The following DPYSL5 variants were observed in gnomAD, a reference collection of about 807,000 sequenced individuals.
The protein encoded by DPYSL5 is dihydropyrimidinase-related protein 5.
DPYSL5 carries 9 observed loss-of-function variants against 58.4 expected under a neutral mutation model. The ratio of observed to expected loss-of-function variants is 0.15; its 90% CI spans 0.09 to 0.27. DPYSL5 has a LOEUF of 0.27. Among genes scored for constraint, DPYSL5 ranks in the 10% least tolerant of loss-of-function variants. The probability of loss-of-function intolerance (pLI) is 1.00; values close to 1 mark genes in which losing one functional copy is unlikely to be tolerated. For missense variants in DPYSL5, 499 were observed against 770.6 expected, an observed-to-expected ratio of 0.65 and a Z score of 4.17; for synonymous variants, 293 against 301.9, an observed-to-expected ratio of 0.97 and a Z score of 0.31.
At chr2:26,931,827 G>GT in intron 6 of DPYSL5, 143 bp downstream of exon 6, 1 of 794,940 alleles carries the variant, frequency 1.3e-6, no homozygotes, top group East Asian at 2.8e-5. Context: ...GGCCAACATG[G>GT]TGAAACCCCA....
At chr2:26,911,061 A>G (rs1356324093) in intron 2 of DPYSL5, among the ~76,000 whole-genome samples, 1 of 133,954 alleles carries the variant, frequency 7.5e-6, no homozygotes, top group African/African-American at 2.7e-5. Flanking sequence ...TATACATGGT[A>G]TGTGGTATCT....
At chr2:26,882,770 A>G (rs1369805959) in intron 1 of DPYSL5, among the ~76,000 whole-genome samples, 1 of 152,042 alleles carries the variant, frequency 6.6e-6, no homozygotes, top group East Asian at 1.9e-4. Flanking sequence ...TAAATTAGCC[A>G]GAGGTGGTGG....
chr2:26,863,486 G>T (rs1417104914), intron 1 of DPYSL5, among the ~76,000 whole-genome samples: 2 of 152,172 alleles, frequency 1.3e-5, no homozygotes, highest in African/African-American at 4.8e-5. Context: ...TTGTGGGCTG[G>T]GCCTGCAGCA....
chr2:26,855,257 G>A (rs1001756476), intron 1 of DPYSL5, among the ~76,000 whole-genome samples: 52 of 151,490 alleles, frequency 3.4e-4, no homozygotes, highest in African/African-American at 1.2e-3. Flanking sequence ...GTGAAACCCC[G>A]TCTCTACTAA....
At chr2:26,854,111 T>G (rs1377754608) in intron 1 of DPYSL5, among the ~76,000 whole-genome samples, 1 of 152,110 alleles carries the variant, frequency 6.6e-6, no homozygotes, top group Non-Finnish European at 1.5e-5. Flanking sequence ...CACAGCAACA[T>G]TTAGATGAAT....
At chr2:26,917,155 G>A (rs1023043953) in intron 2 of DPYSL5, among the ~76,000 whole-genome samples, 6 of 152,200 alleles carry the variant, frequency 3.9e-5, no homozygotes, top group African/African-American at 9.7e-5. Flanking sequence ...AATAAGTGAC[G>A]GAGCTGGAAT....
At chr2:26,897,792 A>T (rs547677085) in intron 1 of DPYSL5, among the ~76,000 whole-genome samples, 1 of 152,306 alleles carries the variant, frequency 6.6e-6, no homozygotes, top group East Asian at 1.9e-4. Context: ...TGTGGACCCA[A>T]TCTGGCCCAA....
chr2:26,929,768 C>A (rs1329105123), intron 5 of DPYSL5, among the ~76,000 whole-genome samples: 3 of 152,226 alleles, frequency 2.0e-5, no homozygotes, highest in South Asian at 2.1e-4. Context: ...TCCGCCTGCC[C>A]TCTGGCTTTA....
Position 26,947,220 on chromosome 2 carries a change from C to A in DPYSL5, c.*225C>A. 2 of 511,324 alleles carry A rather than the reference C, an allele frequency of 3.9e-6. No homozygotes were observed. Among genetic ancestry groups the A allele is most frequent in the South Asian group, 2.4e-5 (1 of 41,910 alleles). 31.7% of individuals were successfully genotyped at this position (511,324 alleles called of 1,614,324 possible). ...TTCCTCCTGCTGTAGTCCTTTCTGCCTTGGCCTCGGCGGGCTTTTCTGGGG... is the reference window on the plus strand; with the variant it reads ...TTCCTCCTGCTGTAGTCCTTTCTGCATTGGCCTCGGCGGGCTTTTCTGGGG... On this transcript the variant is annotated 3_prime_UTR_variant, in exon 13 of 13. Transcript: ENST00000288699. The surrounding 1 kb of genome is among the most constrained non-coding windows in gnomAD (Gnocchi z 4.2).
intron 1 of DPYSL5, among the ~76,000 whole-genome samples, chr2:26,883,906 C>G (rs1663639387): frequency 3.9e-5 from 6 of 152,170 alleles, no homozygotes; most frequent in Non-Finnish European, 7.4e-5. Flanking sequence ...ATCCTTTCCT[C>G]CTGTTTTCCC....
chr2:26,883,070 T>A (rs1397986510), intron 1 of DPYSL5, among the ~76,000 whole-genome samples: 1 of 152,206 alleles, frequency 6.6e-6, no homozygotes, highest in African/African-American at 2.4e-5. Context: ...TGTATTTGTA[T>A]GTTTTTTTAA....
intron 8 of DPYSL5, among the ~76,000 whole-genome samples, chr2:26,936,482 C>T (rs1665180621): frequency 6.6e-6 from 1 of 152,188 alleles, no homozygotes; most frequent in Non-Finnish European, 1.5e-5. Flanking sequence ...CGAAGGTGGC[C>T]TCTGTGGAGG....
chr2:26,892,112 G>A (rs1227443004), intron 1 of DPYSL5, among the ~76,000 whole-genome samples: 1 of 152,236 alleles, frequency 6.6e-6, no homozygotes, highest in Non-Finnish European at 1.5e-5. Context: ...ATTCCCTTAA[G>A]TCAGATAGAC....
intron 2 of DPYSL5, among the ~76,000 whole-genome samples, chr2:26,912,049 G>A (rs567582703): frequency 6.6e-6 from 1 of 152,362 alleles, no homozygotes; most frequent in South Asian, 2.1e-4. Flanking sequence ...CTGAGGTTAG[G>A]CGTCCATCCC....
At chr2:26,871,858 G>GTAAATAGAAACATTTGCCA (rs1172576763) in intron 1 of DPYSL5, among the ~76,000 whole-genome samples, 13 of 151,932 alleles carry the variant, frequency 8.6e-5, no homozygotes, top group African/African-American at 3.1e-4. Flanking sequence ...TATCAACATC[G>GTAAATAGAAACATTTGCCA]TAAATAGAAA....
chr2:26,880,757 C>A (rs191129834), intron 1 of DPYSL5, among the ~76,000 whole-genome samples: 1 of 152,208 alleles, frequency 6.6e-6, no homozygotes, highest in South Asian at 2.1e-4. Context: ...GCTCAGAGTC[C>A]GTTCCTGTGG....
At chr2:26,909,810 T>C (rs1664387585) in intron 2 of DPYSL5, among the ~76,000 whole-genome samples, 1 of 151,926 alleles carries the variant, frequency 6.6e-6, no homozygotes, top group African/African-American at 2.4e-5. Flanking sequence ...AACTCCACTG[T>C]TGGGAAGAAT....
In DPYSL5 at chr2:26,898,352, T is replaced by C. The variant is rs542614179; in HGVS notation, c.-4-144T>C. The C allele has an allele frequency of 8.8e-7, 1 of 1,141,432 alleles. No homozygotes were observed. Among genetic ancestry groups the C allele is most frequent in the African/African-American group, 1.6e-5 (1 of 64,438 alleles). The allele number at this position is 1,141,432 out of a possible 1,614,324, so 70.7% of individuals were successfully genotyped here. A position where few individuals can be genotyped will look rare whatever the true frequency, so the allele number is the denominator to read the frequency against. ...CTCTGGGAAGCCAGTGGGAGGCTTG[T>C]GACTCCCGCTGGCTGTAGGGGAAAG... On this transcript the variant is annotated intron_variant, in intron 1 of 12. Transcript: ENST00000288699. The surrounding 1 kb of genome is among the most constrained non-coding windows in gnomAD (Gnocchi z 6.1).
chr2:26,859,019 C>T (rs1030665833), intron 1 of DPYSL5, among the ~76,000 whole-genome samples: 2 of 152,178 alleles, frequency 1.3e-5, no homozygotes, highest in Admixed American at 6.5e-5. Flanking sequence ...TAAATTTTTA[C>T]AGAGTTGTTA....
Sources: gnomAD v4.1 joint callset for allele counts (sites outside exome capture counted in the v4.1 genomes callset) on GRCh38, gnomAD v4.1.1 for gene constraint, Gnocchi (gnomAD v3.1) non-coding constraint, MANE v1.5 for transcripts, NCBI Gene and HGNC (gene_info 2026-07-23, HGNC 2026-07-21) for gene names.